Variants in BBX observed in about 807,000 individuals in gnomAD.
BBX encodes the protein BBX high mobility group box domain containing, also known as HMG box transcription factor BBX.
A neutral mutation model predicts 100.2 loss-of-function variants in BBX; 30 were observed. The ratio of observed to expected loss-of-function variants is 0.30; its 90% CI spans 0.22 to 0.41. The LOEUF (loss-of-function observed/expected upper bound fraction) is 0.41. Among genes scored for constraint, BBX ranks in the 10% least tolerant of loss-of-function variants. The probability of loss-of-function intolerance (pLI) is 1.00; values close to 1 mark genes in which losing one functional copy is unlikely to be tolerated. For synonymous variants in BBX, 376 were observed against 388.1 expected, an observed-to-expected ratio of 0.97 and a Z score of 0.37; for missense variants, 1,023 against 1,129.8, an observed-to-expected ratio of 0.91 and a Z score of 1.35.
chr3:107,589,052 C>T (rs2053081082), intron 2 of BBX, among the ~76,000 whole-genome samples: 1 of 152,160 alleles, frequency 6.6e-6, no homozygotes. Flanking sequence ...GTCATTTAAC[C>T]TGCCCCATGA....
intron 2 of BBX, among the ~76,000 whole-genome samples, chr3:107,533,720 A>G (rs2048313198): frequency 6.6e-6 from 1 of 152,332 alleles, no homozygotes. Flanking sequence ...ACCATGTTGA[A>G]AAATGTTTCT....
At chr3:107,641,079 TTTTC>T (rs2057169396) in intron 2 of BBX, among the ~76,000 whole-genome samples, 1 of 135,208 alleles carries the variant, frequency 7.4e-6, no homozygotes, top group African/African-American at 2.8e-5. Flanking sequence ...AGGTAATTTC[TTTTC>T]TTTCTTTTTT....
At chr3:107,623,161 T>G (rs940350898) in intron 2 of BBX, among the ~76,000 whole-genome samples, 6 of 152,196 alleles carry the variant, frequency 3.9e-5, no homozygotes, top group Non-Finnish European at 8.8e-5. Context: ...GCTGGAGTCT[T>G]TAATTACTGT....
At chr3:107,719,279 A>G (rs1215818763) in intron 5 of BBX, among the ~76,000 whole-genome samples, 1 of 152,034 alleles carries the variant, frequency 6.6e-6, no homozygotes, top group Non-Finnish European at 1.5e-5. Flanking sequence ...TTCTTTCAGC[A>G]TAGTGTGTGG....
At chr3:107,537,968 G>A (rs1407431008) in intron 2 of BBX, among the ~76,000 whole-genome samples, 9 of 152,202 alleles carry the variant, frequency 5.9e-5, no homozygotes, top group Non-Finnish European at 1.3e-4. Flanking sequence ...CATTAAAGCA[G>A]CAAAGAGAAA....
intron 2 of BBX, among the ~76,000 whole-genome samples, chr3:107,552,736 A>G (rs2049798459): frequency 6.6e-6 from 1 of 152,236 alleles, no homozygotes; most frequent in Non-Finnish European, 1.5e-5. Flanking sequence ...TGCCCCAACT[A>G]AAGGTTATTT....
chr3:107,729,243 AG>A, intron 6 of BBX, among the ~76,000 whole-genome samples: 1 of 152,320 alleles, frequency 6.6e-6, no homozygotes, highest in East Asian at 1.9e-4. Flanking sequence ...TCAGAAGCTT[AG>A]GAAATTTTAT....
chr3:107,572,572 T>C (rs2051450260), intron 2 of BBX, among the ~76,000 whole-genome samples: 1 of 152,224 alleles, frequency 6.6e-6, no homozygotes, highest in African/African-American at 2.4e-5. Flanking sequence ...TTACAGATTC[T>C]TTTAGAAAAA....
At chr3:107,537,761 T>G (rs1425607663) in intron 2 of BBX, among the ~76,000 whole-genome samples, 1 of 152,254 alleles carries the variant, frequency 6.6e-6, no homozygotes, top group African/African-American at 2.4e-5. Flanking sequence ...CAGTTTTATT[T>G]GTGGCCCTTA....
intron 12 of BBX, among the ~76,000 whole-genome samples, chr3:107,775,171 G>C (rs769536251): frequency 6.6e-6 from 1 of 152,090 alleles, no homozygotes; most frequent in African/African-American, 2.4e-5. Context: ...GCTTAGAATG[G>C]ATAGTATTAG....
At chr3:107,677,776 A>G (rs1470552463) in intron 3 of BBX, among the ~76,000 whole-genome samples, 1 of 152,210 alleles carries the variant, frequency 6.6e-6, no homozygotes, top group Non-Finnish European at 1.5e-5. Flanking sequence ...ATCTGTATTA[A>G]CAAGCTAACA....
intron 17 of BBX, among the ~76,000 whole-genome samples, chr3:107,803,523 C>T (rs1338046155): frequency 6.6e-6 from 1 of 152,144 alleles, no homozygotes; most frequent in Non-Finnish European, 1.5e-5. Context: ...AAAAATCTAA[C>T]GTTAGGTTCA....
intron 2 of BBX, among the ~76,000 whole-genome samples, chr3:107,540,126 T>A (rs1355793291): frequency 6.6e-6 from 1 of 152,190 alleles, no homozygotes; most frequent in African/African-American, 2.4e-5. Context: ...GGACAGTGTT[T>A]ATGTAGTTCA....
At position 107,716,411 on chromosome 3, in the gene BBX, A is replaced by AT. The variant is rs1576475407; in HGVS notation, c.163-196_163-195insT. On this transcript the variant is annotated intron_variant, in intron 4 of 17. Coordinates refer to ENST00000325805, the MANE Select transcript of BBX (RefSeq NM_001142568.3). ...ACATGCACAGGTTGCTATAGAAACT[A>AT]AGCAGAAGGATACATCATAAGTTAG... The AT allele has an allele frequency of 4.8e-6, 3 of 619,400 alleles. No individual in the cohort carries two copies. In the East Asian group the frequency reaches 8.7e-5, roughly 18 times the overall value. The allele number at this position is 619,400 out of a possible 1,614,324, so 38.4% of individuals were successfully genotyped here.
intron 2 of BBX, among the ~76,000 whole-genome samples, chr3:107,556,975 A>G (rs1224658767): frequency 4.6e-5 from 7 of 152,182 alleles, no homozygotes; most frequent in Admixed American, 1.3e-4. Context: ...CCATGTGAAT[A>G]TTATATTGTA....
intron 2 of BBX, among the ~76,000 whole-genome samples, chr3:107,536,181 A>G (rs2048479246): frequency 6.6e-6 from 1 of 152,208 alleles, no homozygotes; most frequent in Non-Finnish European, 1.5e-5. Context: ...CTGCTGTGCT[A>G]AGTGGAAGAG....
At chr3:107,683,793 A>T (rs1394863413) in intron 3 of BBX, among the ~76,000 whole-genome samples, 1 of 152,010 alleles carries the variant, frequency 6.6e-6, no homozygotes, top group Non-Finnish European at 1.5e-5. Context: ...GCAATTTTCC[A>T]GTTTCTATCT....
chr3:107,745,483 A>G (rs115074395), intron 8 of BBX, among the ~76,000 whole-genome samples: 17 of 152,044 alleles, frequency 1.1e-4, no homozygotes, highest in African/African-American at 4.1e-4. Flanking sequence ...TTTTTTTAAG[A>G]GAGAGTCTCA....
chr3:107,617,838 G>C (rs1005579055), intron 2 of BBX, among the ~76,000 whole-genome samples: 1 of 151,794 alleles, frequency 6.6e-6, no homozygotes. Flanking sequence ...TCTGTAAATA[G>C]GGATCGTTTT....
Sources: gnomAD v4.1 joint callset for allele counts (sites outside exome capture counted in the v4.1 genomes callset) on GRCh38, gnomAD v4.1.1 for gene constraint, MANE v1.5 for transcripts, NCBI Gene and HGNC (gene_info 2026-07-23, HGNC 2026-07-21) for gene names.